Variants in OR5B2 observed in about 807,000 individuals in gnomAD.
OR5B2 encodes olfactory receptor family 5 subfamily B member 2, also known as olfactory receptor 5B2.
For synonymous variants in OR5B2, 163 were observed against 140.8 expected (o/e 1.16, Z -1.11); for missense variants, 411 against 367.0 (o/e 1.12, Z -0.98).
rs1448444341 is a variant in OR5B2 at position 58,422,162 on chromosome 11, T to C, written c.*170A>G. 1.2e-5 allele frequency: 6 copies of C among 495,624 alleles called. No homozygotes were observed. Among genetic ancestry groups the C allele is most frequent in the Non-Finnish European group, 2.1e-5 (6 of 281,744 alleles). 30.7% of individuals were successfully genotyped at this position (495,624 alleles called of 1,614,324 possible). A position where few individuals can be genotyped will look rare whatever the true frequency, so the allele number is the denominator to read the frequency against. On this transcript the variant is annotated 3_prime_UTR_variant, in exon 3 of 3. Transcript: ENST00000641342. ...TAGCCTTCCTCATTCAGGTATTACATTTCTGATAATATTTTATTTTTATTA... is the reference window on the plus strand; with the variant it reads ...TAGCCTTCCTCATTCAGGTATTACACTTCTGATAATATTTTATTTTTATTA...
rs1170463180 is a variant in OR5B2 at position 58,423,192 on chromosome 11, G to T, written c.70C>A (p.Pro24Thr). The T allele has an allele frequency of 6.2e-7, 1 of 1,613,302 alleles. No individual in the cohort carries two copies. The highest frequency in any genetic ancestry group is 1.7e-5 in the Admixed American group (1 of 59,934). ...GLTSVPELQI[P>T]LFILFTFIYL... ...ATGAAGGTGAACAAGATAAAGAGGGGGATCTGTAGTTCTGGGACACTGGTT... is the reference window on the plus strand; with the variant it reads ...ATGAAGGTGAACAAGATAAAGAGGGTGATCTGTAGTTCTGGGACACTGGTT... The change falls in exon 3 of 3, where the codon CCC (proline) becomes ACC (threonine). Residue 24 changes from proline to threonine, a missense_variant. Physicochemically the swap from Pro to Thr is conservative, Grantham distance 38. Coordinates refer to ENST00000641342, the MANE Select transcript of OR5B2 (RefSeq NM_001005566.3).
rs114959091 is a variant in OR5B2, at chr11:58,423,105, G to T, written c.157C>A (p.Leu53Ile). 9,475 of 1,613,676 alleles carry T rather than the reference G, an allele frequency of 5.9e-3. 443 individuals carry two copies. The African/African-American group carries it at 0.11, about 19-fold the overall frequency. The change falls in exon 3 of 3, where the codon CTC (leucine) becomes ATC (isoleucine). Residue 53 changes from leucine to isoleucine, a missense_variant. Physicochemically the swap from Leu to Ile is conservative, Grantham distance 5 (BLOSUM62 2). Coordinates refer to ENST00000641342, the MANE Select transcript of OR5B2 (RefSeq NM_001005566.3). The part of the protein sequence containing the change: ...MMLLILMDSC[L>I]HTPMYFFLSN... The stretch of plus-strand genomic sequence containing the variant: ...AGGAAAAAGTACATGGGGGTGTGGA[G>T]ACAAGAGTCCATCAGGATCAGCAAC...
Position 58,422,942 on chromosome 11 carries a change from G to A in OR5B2, c.320C>T (p.Thr107Met), listed in dbSNP as rs118052160. ...TGAGGCCAACAAGTAATTTTCCACC[G>A]TGGCCAAGGCTACAAAGAAGAACAT... ...VQMFFFVALA[T>M]VENYLLASMA... Residue 107 changes from threonine to methionine, a missense_variant, in exon 3 of 3, where the codon ACG becomes ATG. Coordinates refer to ENST00000641342, the MANE Select transcript of OR5B2 (RefSeq NM_001005566.3). 2,358 of 1,613,778 alleles carry A rather than the reference G, an allele frequency of 1.5e-3. 55 individuals are homozygous for A. The East Asian group carries it at 0.046, about 31-fold the overall frequency.
chr11:58,422,377 G>A lies in OR5B2; in HGVS notation c.885C>T (p.Val295=). ...PVVYSLRNRE[V]QNAFKKVLRR... ...TCAACACTTTCTTGAATGCATTCTGGACTTCTCTGTTCCTCAGGCTGTAGA... is the reference window on the plus strand; with the variant it reads ...TCAACACTTTCTTGAATGCATTCTGAACTTCTCTGTTCCTCAGGCTGTAGA... The change falls in exon 3 of 3, where the codon GTC becomes GTT. Residue 295 remains valine, a synonymous_variant. Coordinates refer to ENST00000641342, the MANE Select transcript of OR5B2 (RefSeq NM_001005566.3). 1 of 1,613,166 alleles carries A rather than the reference G, an allele frequency of 6.2e-7. No individual in the cohort carries two copies. Among genetic ancestry groups the A allele is most frequent in the Non-Finnish European group, 8.5e-7 (1 of 1,179,462 alleles).
chr11:58,422,768 G>A lies in OR5B2; in HGVS notation c.494C>T (p.Ser165Phe), dbSNP rs765431105. The stretch of plus-strand genomic sequence containing the variant: ...ATGTACCAGATTGGATTTACAGAAA[G>A]AGAGACTGAATATGCCCCCAATGTG... ...SFHIGGIFSL[S>F]FCKSNLVHHF... Residue 165 changes from serine (S) to phenylalanine (F), a missense_variant, in exon 3 of 3, where the codon TCT (serine) becomes TTT (phenylalanine). Transcript: ENST00000641342. 1.9e-5 allele frequency: 30 copies of A among 1,613,722 alleles called. No individual in the cohort carries two copies. Among genetic ancestry groups the A allele is most frequent in the Non-Finnish European group, 2.5e-5 (30 of 1,179,894 alleles).
chr11:58,426,731 G>A (rs1272157014), intron 1 of OR5B2, 55 bp from the exon 2 acceptor site: 2 of 152,112 alleles, frequency 1.3e-5, no homozygotes, highest in Non-Finnish European at 2.9e-5. Context: ...TTAATGTCTA[G>A]TCACAAATAT....
intron 1 of OR5B2, among the ~76,000 whole-genome samples, chr11:58,427,787 A>G (rs1434629153): frequency 1.3e-5 from 2 of 152,148 alleles, no homozygotes; most frequent in Non-Finnish European, 2.9e-5. Flanking sequence ...AACCTAGGCT[A>G]TCGGGAACTT....
In OR5B2 at chr11:58,423,248, G is replaced by C; in HGVS notation, c.14C>G (p.Thr5Arg). Residue 5 changes from threonine (T) to arginine (R), a missense_variant, in exon 3 of 3, where the codon ACG (threonine) becomes AGG (arginine). By Grantham distance (71) the Thr-to-Arg change is moderately conservative. Coordinates refer to ENST00000641342, the MANE Select transcript of OR5B2 (RefSeq NM_001005566.3). ...TAGAAGAATGAACTTTGTCACTTCC[G>C]TACAATTCTCCATCAGTATTATCTG... MENC[T>R]EVTKFILLGL... 1 of 1,589,298 alleles carries C rather than the reference G, an allele frequency of 6.3e-7. No individual in the cohort carries two copies. Among genetic ancestry groups the C allele is most frequent in the Non-Finnish European group, 8.6e-7 (1 of 1,164,044 alleles).
In OR5B2 at chr11:58,421,345, C is replaced by T. The variant is rs979910611; in HGVS notation, c.*987G>A. ...ATACCACTTGACAATAGACAATATTCAGTGCTAAAATGAAATGAGCTATCA... is the reference window on the plus strand; with the variant it reads ...ATACCACTTGACAATAGACAATATTTAGTGCTAAAATGAAATGAGCTATCA... On this transcript the variant is annotated 3_prime_UTR_variant, in exon 3 of 3. Transcript: ENST00000641342. The T allele has an allele frequency of 5.3e-4, 80 of 152,136 alleles. No individual in the cohort carries two copies. Among genetic ancestry groups the T allele is most frequent in the African/African-American group, 1.7e-3 (71 of 41,520 alleles). The allele number at this position is 152,136 out of a possible 1,614,324, so 9.4% of individuals were successfully genotyped here. A position where few individuals can be genotyped will look rare whatever the true frequency, so the allele number is the denominator to read the frequency against.
Position 58,421,813 on chromosome 11 carries a change from C to A in OR5B2, c.*519G>T. ...GTATATGGGAAATCTCTGTACTTAC[C>A]TCTCCATTTTGCTGTGAACATAAAA... On this transcript the variant is annotated 3_prime_UTR_variant, in exon 3 of 3. Coordinates refer to ENST00000641342, the MANE Select transcript of OR5B2 (RefSeq NM_001005566.3). 6.6e-6 allele frequency: 1 copy of A among 152,466 alleles called. No individual in the cohort carries two copies. 9.4% of individuals were successfully genotyped at this position (152,466 alleles called of 1,614,324 possible).
intron 2 of OR5B2, among the ~76,000 whole-genome samples, chr11:58,425,762 C>G (rs1269138558): frequency 6.6e-6 from 1 of 152,012 alleles, no homozygotes. Context: ...CATACATTAG[C>G]TCATTTAGCA....
At chr11:58,425,094 G>C (rs572197904) in intron 2 of OR5B2, among the ~76,000 whole-genome samples, 1 of 152,124 alleles carries the variant, frequency 6.6e-6, no homozygotes, top group Non-Finnish European at 1.5e-5. Flanking sequence ...TGAGATTATG[G>C]GGGAAAGGTT....
chr11:58,422,950 G>C lies in OR5B2; in HGVS notation c.312C>G (p.Ala104=). The stretch of plus-strand genomic sequence containing the variant: ...ACAAGTAATTTTCCACCGTGGCCAA[G>C]GCTACAAAGAAGAACATCTGAACAG... The part of the protein sequence containing the change: ...ACAVQMFFFV[A]LATVENYLLA... Residue 104 remains alanine, a synonymous_variant, in exon 3 of 3, where the codon GCC becomes GCG. Transcript: ENST00000641342. 6.2e-7 allele frequency: 1 copy of C among 1,613,814 alleles called. No homozygotes were observed. Among genetic ancestry groups the C allele is most frequent in the African/African-American group, 1.3e-5 (1 of 75,006 alleles).
chr11:58,422,640 C>CA lies in OR5B2; in HGVS notation c.621dup (p.Val208CysfsTer23), dbSNP rs1565156888. 7.4e-6 allele frequency: 12 copies of CA among 1,612,922 alleles called. No individual in the cohort carries two copies. The highest frequency in any genetic ancestry group is 1.0e-5 in the Non-Finnish European group (12 of 1,179,580). On this transcript the variant is annotated frameshift_variant, in exon 3 of 3. Transcript: ENST00000641342. LOFTEE classifies it low-confidence loss of function (END_TRUNC). The stretch of plus-strand genomic sequence containing the variant: ...TAGGAGATAAAGATAACTAGAAGAA[C>CA]AAAAAAGATATTAAAGCTTGACATA...
Position 58,423,290 on chromosome 11 carries a change from C to T in OR5B2, c.-28-1G>A. On this transcript the variant is annotated splice_acceptor_variant, in intron 2 of 2. Coordinates refer to ENST00000641342, the MANE Select transcript of OR5B2 (RefSeq NM_001005566.3). LOFTEE classifies it low-confidence loss of function (5UTR_SPLICE). The stretch of plus-strand genomic sequence containing the variant: ...TATTATCTGAGAAACTTAAGATGAC[C>T]TGTAGCAATGAGAAATAAAGCAATA... 7.2e-7 allele frequency: 1 copy of T among 1,379,422 alleles called. No individual in the cohort carries two copies. The highest frequency in any genetic ancestry group is 1.0e-6 in the Non-Finnish European group (1 of 1,004,466). The allele number at this position is 1,379,422 out of a possible 1,614,324, so 85.4% of individuals were successfully genotyped here.
chr11:58,422,626 G>A lies in OR5B2; in HGVS notation c.636C>T (p.Ile212=). The A allele has an allele frequency of 6.2e-7, 1 of 1,613,650 alleles. No individual in the cohort carries two copies. Among genetic ancestry groups the A allele is most frequent in the East Asian group, 2.2e-5 (1 of 44,844 alleles). The change falls in exon 3 of 3, where the codon ATC becomes ATT. Residue 212 remains isoleucine (I), a synonymous_variant. Transcript: ENST00000641342. ...TGAATATGAACAAGTAGGAGATAAA[G>A]ATAACTAGAAGAACAAAAAAGATAT... ...SFNIFFVLLV[I]FISYLFIFIT...
rs111747013 is a variant in OR5B2, at chr11:58,422,528, G to T, written c.734C>A (p.Ala245Glu). 9.9e-6 allele frequency: 16 copies of T among 1,613,802 alleles called. No homozygotes were observed. In the African/African-American group the frequency reaches 1.1e-4, roughly 11 times the overall value. The part of the protein sequence containing the change: ...ALSTCASHFT[A>E]VSVFYGTVIF... Reference sequence around the variant, plus strand: ...TACTGTCCCATAGAAGACGGAGACTGCAGTGAAGTGAGAGGCACAGGTGGA... The same window carrying T: ...TACTGTCCCATAGAAGACGGAGACTTCAGTGAAGTGAGAGGCACAGGTGGA... Residue 245 changes from alanine (A) to glutamate (E), a missense_variant, in exon 3 of 3, where the codon GCA becomes GAA. Transcript: ENST00000641342.
intron 2 of OR5B2, among the ~76,000 whole-genome samples, chr11:58,424,999 C>A (rs1855321376): frequency 6.6e-6 from 1 of 152,054 alleles, no homozygotes; most frequent in Non-Finnish European, 1.5e-5. Context: ...TCAAGATTCA[C>A]AATTGAAACC....
chr11:58,422,606 A>C lies in OR5B2; in HGVS notation c.656T>G (p.Ile219Arg). 3 of 1,613,780 alleles carry C rather than the reference A, an allele frequency of 1.9e-6. No individual in the cohort carries two copies. The highest frequency in any genetic ancestry group is 2.5e-6 in the Non-Finnish European group (3 of 1,179,840). The change falls in exon 3 of 3, where the codon ATA becomes AGA. Residue 219 changes from isoleucine to arginine, a missense_variant. Coordinates refer to ENST00000641342, the MANE Select transcript of OR5B2 (RefSeq NM_001005566.3). Reference sequence around the variant, plus strand: ...ATGCATCTTCAAGATGGTGATGAATATGAACAAGTAGGAGATAAAGATAAC... The same window carrying C: ...ATGCATCTTCAAGATGGTGATGAATCTGAACAAGTAGGAGATAAAGATAAC... Reference protein sequence around the residue: ...LLVIFISYLFIFITILKMHSA... With the variant: ...LLVIFISYLFRFITILKMHSA...
Sources: gnomAD v4.1 joint callset for allele counts (sites outside exome capture counted in the v4.1 genomes callset) on GRCh38, gnomAD v4.1.1 for gene constraint, MANE v1.5 for transcripts, NCBI Gene and HGNC (gene_info 2026-07-23, HGNC 2026-07-21) for gene names.